Variants in TMEM132B observed in about 807,000 individuals in gnomAD.
TMEM132B encodes transmembrane protein 132B.
Under a neutral mutation model 90.8 loss-of-function variants are expected in TMEM132B, and 18 were observed. The observed-to-expected ratio is 0.20, with a 90% confidence interval of 0.14 to 0.29. The LOEUF (loss-of-function observed/expected upper bound fraction) is 0.29, where lower values mean the gene tolerates loss of function less well. Among genes scored for constraint, TMEM132B ranks in the 10% least tolerant of loss-of-function variants. The pLI, the probability that TMEM132B is intolerant of heterozygous loss-of-function variation, is 1.00. For missense variants in TMEM132B, 1,096 were observed against 1,326.8 expected, an observed-to-expected ratio of 0.83 and a Z score of 2.70; for synonymous variants, 504 against 523.3, an observed-to-expected ratio of 0.96 and a Z score of 0.50.
intron 6 of TMEM132B, among the ~76,000 whole-genome samples, chr12:125,645,863 T>A (rs892767469): frequency 1.3e-5 from 2 of 152,174 alleles, no homozygotes; most frequent in Non-Finnish European, 2.9e-5. Context: ...AATGTAGCCG[T>A]AACTCATACC....
intron 5 of TMEM132B, among the ~76,000 whole-genome samples, chr12:125,596,465 C>A (rs1288671222): frequency 6.6e-6 from 1 of 152,132 alleles, no homozygotes; most frequent in Non-Finnish European, 1.5e-5. Context: ...CTTTATTTGC[C>A]ATCCAGACAT....
At chr12:125,545,812 A>C (rs567539068) in intron 4 of TMEM132B, among the ~76,000 whole-genome samples, 5 of 152,304 alleles carry the variant, frequency 3.3e-5, no homozygotes, top group African/African-American at 1.2e-4. Context: ...GGATCCAGTC[A>C]TACCCAAGCT....
intron 1 of TMEM132B, among the ~76,000 whole-genome samples, chr12:125,327,669 C>T: frequency 6.6e-6 from 1 of 152,158 alleles, no homozygotes; most frequent in Non-Finnish European, 1.5e-5. Flanking sequence ...AGAAGGAACT[C>T]CTGGGGAAAA....
intron 4 of TMEM132B, among the ~76,000 whole-genome samples, chr12:125,540,602 C>G (rs1883928098): frequency 6.6e-6 from 1 of 152,198 alleles, no homozygotes; most frequent in South Asian, 2.1e-4. Flanking sequence ...ATAGAATCTA[C>G]TTTATCTGAT....
chr12:125,577,570 A>G (rs1170882093), intron 4 of TMEM132B, among the ~76,000 whole-genome samples: 1 of 150,172 alleles, frequency 6.7e-6, no homozygotes, highest in Non-Finnish European at 1.5e-5. Flanking sequence ...ATAATGTGAT[A>G]TAATATTTAT....
At chr12:125,579,159 C>T (rs1428878989) in intron 4 of TMEM132B, among the ~76,000 whole-genome samples, 1 of 151,932 alleles carries the variant, frequency 6.6e-6, no homozygotes. Flanking sequence ...CTTTATACTC[C>T]TCTCATTTTA....
Position 125,630,510 on chromosome 12 carries a change from T to G in TMEM132B, c.1438-13566T>G, listed in dbSNP as rs183379001. On this transcript the variant is annotated intron_variant, in intron 5 of 8. Coordinates refer to ENST00000682704, the MANE Select transcript of TMEM132B (RefSeq NM_001366854.1). Reference sequence around the variant, plus strand: ...CTGCTTTTTCATCCCTGCTTTTGTTTATTTGGATCTTATCTCTTTTTTTCT... The same window carrying G: ...CTGCTTTTTCATCCCTGCTTTTGTTGATTTGGATCTTATCTCTTTTTTTCT... Among the ~76,000 whole-genome samples, 30 of 152,262 alleles carry G rather than the reference T, an allele frequency of 2.0e-4. 1 individual carries two copies. The East Asian group carries it at 2.1e-3, about 11-fold the overall frequency.
At chr12:125,385,880 T>C (rs1395463145) in intron 2 of TMEM132B, among the ~76,000 whole-genome samples, 2 of 152,236 alleles carry the variant, frequency 1.3e-5, no homozygotes, top group East Asian at 3.8e-4. Context: ...AGTTCTCTGA[T>C]CTAATGAGAC....
intron 2 of TMEM132B, among the ~76,000 whole-genome samples, chr12:125,355,299 C>G (rs1877730814): frequency 6.6e-6 from 1 of 152,034 alleles, no homozygotes; most frequent in South Asian, 2.1e-4. Context: ...GACTCAAAGG[C>G]AGGCAGAGGA....
At position 125,519,542 on chromosome 12, in the gene TMEM132B, A is replaced by G; in HGVS notation, c.1210A>G (p.Ile404Val). The G allele has an allele frequency of 6.2e-6, 10 of 1,614,046 alleles. No homozygotes were observed. The highest frequency in any genetic ancestry group is 8.5e-6 in the Non-Finnish European group (10 of 1,180,000). ...GATTACCTGGCAGGTGGAGTACCCG[A>G]TTGAGGACTCCATGAGTGAGCTGGT... ...QQITWQVEYP[I>V]EDSMSELVVS... Residue 404 changes from isoleucine to valine, a missense_variant, in exon 4 of 9, where the codon ATT becomes GTT. Physicochemically the swap from Ile to Val is conservative, Grantham distance 29. Coordinates refer to ENST00000682704, the MANE Select transcript of TMEM132B (RefSeq NM_001366854.1).
At chr12:125,300,089 C>T (rs765925484) in intron 1 of TMEM132B, among the ~76,000 whole-genome samples, 1 of 152,214 alleles carries the variant, frequency 6.6e-6, no homozygotes, top group Non-Finnish European at 1.5e-5. Flanking sequence ...CAACACCTTC[C>T]CCCAGATACC....
At chr12:125,297,397 C>G (rs562919023) in intron 1 of TMEM132B, among the ~76,000 whole-genome samples, 30 of 152,324 alleles carry the variant, frequency 2.0e-4, no homozygotes, top group African/African-American at 6.5e-4. Context: ...CCTGGGGTGC[C>G]CTGTGTGGAG....
chr12:125,488,768 G>C (rs1882274803), intron 3 of TMEM132B, among the ~76,000 whole-genome samples: 1 of 152,208 alleles, frequency 6.6e-6, no homozygotes, highest in Non-Finnish European at 1.5e-5. Flanking sequence ...GCTGAGCTGG[G>C]CTGGGAAGGT....
chr12:125,349,778 A>G lies in TMEM132B; in HGVS notation c.394A>G (p.Ser132Gly). 1 of 1,614,242 alleles carries G rather than the reference A, an allele frequency of 6.2e-7. No individual in the cohort carries two copies. Among genetic ancestry groups the G allele is most frequent in the South Asian group, 1.1e-5 (1 of 91,082 alleles). The change falls in exon 2 of 9, where the codon AGC becomes GGC. Residue 132 changes from serine to glycine, a missense_variant. Ser to Gly is a moderately conservative substitution (Grantham distance 56). Coordinates refer to ENST00000682704, the MANE Select transcript of TMEM132B (RefSeq NM_001366854.1). This position sits in a 1 kb window ranked among gnomAD's most constrained non-coding sequence, Gnocchi z 4.1. ...NWKLKSHILD[S>G]SIYSNRPKVQ... is the part of the protein sequence containing the mutation. ...GAAATTGAAATCCCACATCCTTGAC[A>G]GCTCCATCTACTCCAACAGACCCAA... is the stretch of plus-strand genomic sequence containing the variant.
intron 8 of TMEM132B, among the ~76,000 whole-genome samples, chr12:125,652,951 T>G (rs1886964321): frequency 6.6e-6 from 1 of 152,198 alleles, no homozygotes; most frequent in Non-Finnish European, 1.5e-5. Flanking sequence ...AAGCAGGTGG[T>G]TTTTGATACT....
intron 2 of TMEM132B, among the ~76,000 whole-genome samples, chr12:125,381,214 G>A (rs2136285993): frequency 6.6e-6 from 1 of 152,280 alleles, no homozygotes; most frequent in African/African-American, 2.4e-5. Flanking sequence ...GGTGGTCCAA[G>A]GCCCCACTCT....
At chr12:125,474,101 T>C (rs965429989) in intron 3 of TMEM132B, among the ~76,000 whole-genome samples, 1 of 137,264 alleles carries the variant, frequency 7.3e-6, no homozygotes, top group Non-Finnish European at 1.5e-5. Context: ...CTTTCCTTCC[T>C]TTCTTCCGTC....
At chr12:125,472,527 A>G (rs773310248) in intron 3 of TMEM132B, among the ~76,000 whole-genome samples, 3 of 152,188 alleles carry the variant, frequency 2.0e-5, no homozygotes, top group Non-Finnish European at 4.4e-5. Flanking sequence ...CTGCAGTAGA[A>G]GGACCTGCTG....
intron 1 of TMEM132B, among the ~76,000 whole-genome samples, chr12:125,218,894 G>A (rs190729707): frequency 1.3e-5 from 2 of 151,518 alleles, no homozygotes; most frequent in African/African-American, 4.8e-5. Flanking sequence ...AATAGGGAGC[G>A]AGCACTTAAT....
Sources: gnomAD v4.1 joint callset for allele counts (sites outside exome capture counted in the v4.1 genomes callset) on GRCh38, gnomAD v4.1.1 for gene constraint, Gnocchi (gnomAD v3.1) non-coding constraint, MANE v1.5 for transcripts, NCBI Gene and HGNC (gene_info 2026-07-23, HGNC 2026-07-21) for gene names.